Variants in PLPPR5 observed in about 807,000 individuals in gnomAD.
PLPPR5 encodes phospholipid phosphatase related 5.
PLPPR5 carries 16 observed loss-of-function variants against 33.9 expected under a neutral mutation model. The observed-to-expected ratio is 0.47, with a 90% CI of 0.32 to 0.72. The LOEUF (loss-of-function observed/expected upper bound fraction) is 0.72. Among genes scored for constraint, PLPPR5 ranks in the 30% least tolerant of loss-of-function variants. PLPPR5 has a pLI of 0.03. For synonymous variants in PLPPR5, 163 were observed against 150.3 expected, an observed-to-expected ratio of 1.08 and a Z score of -0.62; for missense variants, 301 against 406.7, an observed-to-expected ratio of 0.74 and a Z score of 2.23.
At chr1:98,960,054 G>A (rs1448910184) in intron 1 of PLPPR5, among the ~76,000 whole-genome samples, 2 of 151,196 alleles carry the variant, frequency 1.3e-5, no homozygotes, top group African/African-American at 2.5e-5. Context: ...CCAAGGGTAT[G>A]TCTAATTCAC....
Position 98,893,004 on chromosome 1 carries a change from T to G in PLPPR5, c.*68A>C. The stretch of plus-strand genomic sequence containing the variant: ...AACTTCACTTGCAATCAAACAAACT[T>G]TGGGTGTTATGAATGGATGGTAAAA... On this transcript the variant is annotated 3_prime_UTR_variant, in exon 6 of 6. Transcript: ENST00000263177. 3 of 1,443,030 alleles carry G rather than the reference T, an allele frequency of 2.1e-6. No homozygotes were observed. Among genetic ancestry groups the G allele is most frequent in the Non-Finnish European group, 2.9e-6 (3 of 1,037,346 alleles). The allele number at this position is 1,443,030 out of a possible 1,614,324, so 89.4% of individuals were successfully genotyped here.
intron 1 of PLPPR5, among the ~76,000 whole-genome samples, chr1:98,987,364 A>T (rs758174502): frequency 1.3e-5 from 2 of 151,832 alleles, no homozygotes; most frequent in Non-Finnish European, 3.0e-5. Context: ...ATTACTAATG[A>T]GTGTCCTAAA....
At chr1:98,895,796 G>A (rs1648449026) in intron 5 of PLPPR5, among the ~76,000 whole-genome samples, 1 of 151,784 alleles carries the variant, frequency 6.6e-6, no homozygotes, top group African/African-American at 2.4e-5. Flanking sequence ...ATCCTGCTTG[G>A]GGCTCATCAT....
chr1:98,905,389 G>A (rs1159225409), intron 5 of PLPPR5, among the ~76,000 whole-genome samples: 2 of 152,052 alleles, frequency 1.3e-5, no homozygotes, highest in African/African-American at 4.8e-5. Flanking sequence ...TTTTTGACAT[G>A]TGTGTTGTTT....
At chr1:98,963,590 C>G (rs1651325120) in intron 1 of PLPPR5, among the ~76,000 whole-genome samples, 1 of 152,134 alleles carries the variant, frequency 6.6e-6, no homozygotes, top group Non-Finnish European at 1.5e-5. Context: ...AGTCTGAATC[C>G]AAGTTCAGAG....
chr1:98,953,676 A>T (rs553643987), intron 2 of PLPPR5, among the ~76,000 whole-genome samples: 8 of 152,048 alleles, frequency 5.3e-5, no homozygotes, highest in Non-Finnish European at 1.2e-4. Flanking sequence ...ATGCTCTACT[A>T]ATGTTAGCAA....
chr1:98,962,752 C>T (rs188260437), intron 1 of PLPPR5, among the ~76,000 whole-genome samples: 50 of 152,312 alleles, frequency 3.3e-4, no homozygotes, highest in African/African-American at 1.0e-3. Context: ...TCAAGCCATC[C>T]TCCCACCTCA....
chr1:98,986,641 G>C (rs1358107357), intron 1 of PLPPR5, among the ~76,000 whole-genome samples: 1 of 151,840 alleles, frequency 6.6e-6, no homozygotes, highest in Non-Finnish European at 1.5e-5. Context: ...GAATGGATAA[G>C]AAAACTGTAG....
intron 3 of PLPPR5, among the ~76,000 whole-genome samples, chr1:98,933,628 A>G (rs1040617169): frequency 6.6e-6 from 1 of 152,188 alleles, no homozygotes; most frequent in African/African-American, 2.4e-5. Context: ...CTGGTGCTGT[A>G]ACTACTTGGC....
chr1:98,917,503 T>C (rs532150952), intron 4 of PLPPR5, among the ~76,000 whole-genome samples: 36 of 152,206 alleles, frequency 2.4e-4, no homozygotes, highest in Non-Finnish European at 4.6e-4. Context: ...CCGTTTTTCT[T>C]AATGTGTAAA....
chr1:98,894,570 T>C (rs1648401089), intron 5 of PLPPR5, among the ~76,000 whole-genome samples: 1 of 152,020 alleles, frequency 6.6e-6, no homozygotes, highest in Admixed American at 6.6e-5. Context: ...GATGTTAAGA[T>C]AGAAATTAAA....
chr1:98,958,567 G>A (rs1651108519), intron 1 of PLPPR5, among the ~76,000 whole-genome samples: 1 of 152,130 alleles, frequency 6.6e-6, no homozygotes. Flanking sequence ...TCTGGCATTG[G>A]TGAAGTAGAG....
chr1:98,970,479 T>C (rs1319942903), intron 1 of PLPPR5, among the ~76,000 whole-genome samples: 1 of 151,930 alleles, frequency 6.6e-6, no homozygotes, highest in Admixed American at 6.6e-5. Flanking sequence ...AATCAGATTA[T>C]TATTCCAAAT....
intron 5 of PLPPR5, among the ~76,000 whole-genome samples, chr1:98,903,249 T>C (rs1430142584): frequency 2.0e-5 from 3 of 151,984 alleles, no homozygotes. Flanking sequence ...TATGAACATA[T>C]TTAGTTCCAC....
chr1:98,922,431 G>A (rs535187184), intron 3 of PLPPR5, among the ~76,000 whole-genome samples: 1 of 152,140 alleles, frequency 6.6e-6, no homozygotes, highest in Admixed American at 6.5e-5. Context: ...ATTATTAGCA[G>A]GGGGAAGCTG....
chr1:98,981,062 G>A (rs976090647), intron 1 of PLPPR5, among the ~76,000 whole-genome samples: 1 of 151,976 alleles, frequency 6.6e-6, no homozygotes, highest in African/African-American at 2.4e-5. Context: ...AGATCCATGT[G>A]CTAAATATTG....
intron 1 of PLPPR5, among the ~76,000 whole-genome samples, chr1:98,964,039 T>A (rs1651347320): frequency 6.6e-6 from 1 of 152,146 alleles, no homozygotes. Flanking sequence ...AAGGGGTTCT[T>A]AATTCTGGAA....
intron 5 of PLPPR5, among the ~76,000 whole-genome samples, chr1:98,900,644 T>C (rs2101135269): frequency 6.6e-6 from 1 of 152,324 alleles, no homozygotes; most frequent in South Asian, 2.1e-4. Flanking sequence ...GGCTTCTTCT[T>C]AGTTATTTCA....
chr1:98,973,146 C>G (rs1453549359), intron 1 of PLPPR5, among the ~76,000 whole-genome samples: 3 of 151,986 alleles, frequency 2.0e-5, no homozygotes, highest in Non-Finnish European at 4.4e-5. Flanking sequence ...ATAAATTTTC[C>G]TAATTGTTTA....
Sources: allele counts gnomAD v4.1 joint callset (sites outside exome capture counted in the v4.1 genomes callset), GRCh38; gene constraint gnomAD v4.1.1; transcripts MANE v1.5; gene names NCBI Gene and HGNC (gene_info 2026-07-23, HGNC 2026-07-21).